The following IFT74 variants were observed in gnomAD, a reference collection of about 807,000 sequenced individuals.
IFT74 encodes the protein intraflagellar transport protein 74 homolog.
IFT74 carries 92 observed loss-of-function variants against 96.7 expected under a neutral mutation model. The observed-to-expected ratio is 0.95, with a 90% CI of 0.80 to 1.13. The LOEUF (loss-of-function observed/expected upper bound fraction) is 1.13. IFT74 is among the 50% of genes most tolerant of loss of function. The pLI, the probability that IFT74 is intolerant of heterozygous loss-of-function variation, is 0.00. For missense variants in IFT74, 811 were observed against 698.2 expected, an observed-to-expected ratio of 1.16 and a Z score of -1.82; for synonymous variants, 223 against 213.2, an observed-to-expected ratio of 1.05 and a Z score of -0.40.
At chr9:27,038,075 G>T (rs1486246949) in intron 13 of IFT74, among the ~76,000 whole-genome samples, 2 of 152,130 alleles carry the variant, frequency 1.3e-5, no homozygotes, top group East Asian at 1.9e-4. Flanking sequence ...TGCTAACCTT[G>T]ACTACAGTGT....
At chr9:26,995,910 A>G in intron 8 of IFT74, 2 of 1,130,662 alleles carry the variant, frequency 1.8e-6, no homozygotes, top group Admixed American at 2.4e-5. Flanking sequence ...CAAAATAATC[A>G]TAATTATATA....
intron 6 of IFT74, among the ~76,000 whole-genome samples, chr9:26,988,387 A>C (rs1352113144): frequency 1.6e-4 from 24 of 152,210 alleles, no homozygotes; most frequent in Admixed American, 1.6e-3. Context: ...ATCTTTTCAG[A>C]GCAGGCAAAG....
intron 8 of IFT74, among the ~76,000 whole-genome samples, chr9:27,003,907 G>A (rs910442681): frequency 6.6e-6 from 1 of 152,194 alleles, no homozygotes; most frequent in Non-Finnish European, 1.5e-5. Context: ...TATAGGAATA[G>A]GTGTTCAGCT....
At chr9:27,019,747 A>G (rs962858503) in intron 12 of IFT74, among the ~76,000 whole-genome samples, 1 of 151,832 alleles carries the variant, frequency 6.6e-6, no homozygotes, top group Non-Finnish European at 1.5e-5. Context: ...ACATCCATGT[A>G]CAAGTTTTTG....
At chr9:26,947,435 T>G (rs1390553296) in intron 1 of IFT74, 1 of 182,644 alleles carries the variant, frequency 5.5e-6, no homozygotes, top group Non-Finnish European at 1.1e-5. Flanking sequence ...AACCCGGGTC[T>G]CTTCCGACTC....
At position 27,065,156 on chromosome 9, in the gene IFT74, A is replaced by C. The variant is rs898733602; in HGVS notation, c.*2420A>C. Among the ~76,000 whole-genome samples the C allele has an allele frequency of 6.6e-6, 1 of 152,174 alleles. No homozygotes were observed. The highest frequency in any genetic ancestry group is 1.5e-5 in the Non-Finnish European group (1 of 68,010). ...TTCTTGACAAAAAGCAAGGCTTTCA[A>C]TTTCCATCCTAATTTATTCATATGT... is the stretch of plus-strand genomic sequence containing the variant. On this transcript the variant is annotated 3_prime_UTR_variant, in exon 20 of 20. Coordinates refer to ENST00000380062, the MANE Select transcript of IFT74 (RefSeq NM_025103.4).
chr9:27,019,692 T>A (rs1829507024), intron 12 of IFT74, among the ~76,000 whole-genome samples: 1 of 151,974 alleles, frequency 6.6e-6, no homozygotes, highest in South Asian at 2.1e-4. Flanking sequence ...AATGGATGTA[T>A]GGGCTGTTAC....
At position 27,063,080 on chromosome 9, in the gene IFT74, A is replaced by G. The variant is rs1456535859; in HGVS notation, c.*344A>G. The G allele has an allele frequency of 5.1e-6, 1 of 195,244 alleles. No homozygotes were observed. Among genetic ancestry groups the G allele is most frequent in the South Asian group, 1.1e-4 (1 of 8,750 alleles). The allele number at this position is 195,244 out of a possible 1,614,324, so 12.1% of individuals were successfully genotyped here. A position where few individuals can be genotyped will look rare whatever the true frequency, so the allele number is the denominator to read the frequency against. On this transcript the variant is annotated 3_prime_UTR_variant, in exon 20 of 20. Transcript: ENST00000380062. ...CTTGTATCAACTCTAGGACGGATGC[A>G]TGGAGTATGATTCTGATTTAGCACT...
chr9:26,953,713 G>A (rs1182931840), upstream of IFT74, among the ~76,000 whole-genome samples: 1 of 144,722 alleles, frequency 6.9e-6, no homozygotes, highest in Non-Finnish European at 1.5e-5. Flanking sequence ...GTCTCACTAT[G>A]TTGCCCAGGC....
chr9:26,974,209 T>C (rs1826999613), intron 2 of IFT74, among the ~76,000 whole-genome samples: 1 of 152,144 alleles, frequency 6.6e-6, no homozygotes, highest in South Asian at 2.1e-4. Context: ...TGTTGAAAGG[T>C]GGATAGCATA....
At position 27,063,428 on chromosome 9, in the gene IFT74, T is replaced by C. The variant is rs1820511582; in HGVS notation, c.*692T>C. On this transcript the variant is annotated 3_prime_UTR_variant, in exon 20 of 20. Transcript: ENST00000380062. ...TCATTGCCACCCTGCAGTATGCATT[T>C]ACTCTCTTGTACTATTAGGAGAACT... Among the ~76,000 whole-genome samples the C allele has an allele frequency of 6.6e-6, 1 of 152,156 alleles. No homozygotes were observed. The highest frequency in any genetic ancestry group is 1.5e-5 in the Non-Finnish European group (1 of 67,988).
At chr9:27,058,150 A>G (rs1005967924) in intron 18 of IFT74, among the ~76,000 whole-genome samples, 1 of 151,238 alleles carries the variant, frequency 6.6e-6, no homozygotes, top group East Asian at 1.9e-4. Flanking sequence ...GTGTAGTGAC[A>G]TAATTGTAGC....
At chr9:27,027,610 T>A (rs886125586) in intron 12 of IFT74, among the ~76,000 whole-genome samples, 2 of 152,190 alleles carry the variant, frequency 1.3e-5, no homozygotes, top group African/African-American at 4.8e-5. Flanking sequence ...CCATATTCTT[T>A]GGGGGAAATG....
At chr9:27,015,908 C>T (rs1829320901) in intron 10 of IFT74, among the ~76,000 whole-genome samples, 2 of 152,164 alleles carry the variant, frequency 1.3e-5, no homozygotes, top group Admixed American at 1.3e-4. Context: ...TCTCAAATGT[C>T]ATTTTAATCA....
At chr9:26,978,500 C>A (rs749816638) in intron 3 of IFT74, among the ~76,000 whole-genome samples, 6 of 152,028 alleles carry the variant, frequency 3.9e-5, no homozygotes, top group Non-Finnish European at 7.4e-5. Flanking sequence ...GATGGTTAAA[C>A]AACAGAGTGA....
intron 4 of IFT74, 21 bp downstream of exon 4, chr9:26,980,640 C>G (rs1352456691): frequency 1.3e-6 from 2 of 1,497,944 alleles, no homozygotes; most frequent in Non-Finnish European, 1.9e-6. Context: ...CATATCTTTT[C>G]ATCCGTATGT....
At position 27,044,890 on chromosome 9, in the gene IFT74, G is replaced by A. The variant is rs975311989; in HGVS notation, c.1108+95G>A. On this transcript the variant is annotated intron_variant, in intron 14 of 19. Transcript: ENST00000380062. ...GACCTCATTTTGGGCAGATATAATGGCTAATAAATGCAGAAGTGTGGACAT... is the reference window on the plus strand; with the variant it reads ...GACCTCATTTTGGGCAGATATAATGACTAATAAATGCAGAAGTGTGGACAT... The A allele has an allele frequency of 4.8e-6, 3 of 627,756 alleles. No homozygotes were observed. In the African/African-American group the frequency reaches 5.6e-5, roughly 12 times the overall value. 38.9% of individuals were successfully genotyped at this position (627,756 alleles called of 1,614,324 possible).
At chr9:27,022,191 A>C (rs761424933) in intron 12 of IFT74, among the ~76,000 whole-genome samples, 3 of 152,044 alleles carry the variant, frequency 2.0e-5, no homozygotes, top group South Asian at 2.1e-4. Context: ...TGGTCCATGT[A>C]CATGTTTTTA....
chr9:27,033,906 G>A (rs1247583731), intron 13 of IFT74, among the ~76,000 whole-genome samples: 2 of 152,092 alleles, frequency 1.3e-5, no homozygotes. Context: ...ACCAATGCTA[G>A]CCATAAGTTT....
Sources: gnomAD v4.1 joint callset for allele counts (sites outside exome capture counted in the v4.1 genomes callset) on GRCh38, gnomAD v4.1.1 for gene constraint, MANE v1.5 for transcripts, NCBI Gene and HGNC (gene_info 2026-07-23, HGNC 2026-07-21) for gene names.